The following DACH1 variants were observed in gnomAD, a reference collection of about 807,000 sequenced individuals.
DACH1 encodes dachshund family transcription factor 1, also known as dachshund homolog 1.
DACH1 carries 12 observed loss-of-function variants against 54.2 expected under a neutral mutation model. That is an observed-to-expected ratio of 0.22 (90% confidence interval 0.14 to 0.36). DACH1 has a LOEUF of 0.36. Ranked by LOEUF, DACH1 falls within the 10% of genes least tolerant of loss-of-function variation. The pLI is 1.00. For missense variants in DACH1, 805 were observed against 929.8 expected, an observed-to-expected ratio of 0.87 and a Z score of 1.75; for synonymous variants, 386 against 366.2, an observed-to-expected ratio of 1.05 and a Z score of -0.62.
intron 3 of DACH1, among the ~76,000 whole-genome samples, chr13:71,596,175 T>C (rs1019713712): frequency 2.0e-5 from 3 of 152,152 alleles, no homozygotes; most frequent in Non-Finnish European, 2.9e-5. Flanking sequence ...ATTTCATACT[T>C]CATTTTTTAG....
chr13:71,683,132 G>A (rs184379471), intron 1 of DACH1, among the ~76,000 whole-genome samples: 1 of 152,242 alleles, frequency 6.6e-6, no homozygotes, highest in African/African-American at 2.4e-5. Context: ...AGTACCTGCT[G>A]TTTTCAAAGA....
chr13:71,624,621 CA>C (rs377059550), intron 3 of DACH1, among the ~76,000 whole-genome samples: 1 of 151,706 alleles, frequency 6.6e-6, no homozygotes, highest in South Asian at 2.1e-4. Flanking sequence ...AACAAACAAA[CA>C]AAAAAACTTT....
chr13:71,816,849 G>A (rs1054800527), intron 1 of DACH1, among the ~76,000 whole-genome samples: 1 of 151,950 alleles, frequency 6.6e-6, no homozygotes, highest in Non-Finnish European at 1.5e-5. Flanking sequence ...TTATAAGTGG[G>A]AGCTAAATGA....
intron 6 of DACH1, among the ~76,000 whole-genome samples, chr13:71,518,865 G>T (rs1013531725): frequency 6.6e-6 from 1 of 151,650 alleles, no homozygotes; most frequent in African/African-American, 2.4e-5. Context: ...AGCAAAGAAT[G>T]GTTTCTGCAT....
chr13:71,587,062 T>C (rs1024716547), intron 3 of DACH1, among the ~76,000 whole-genome samples: 1 of 152,084 alleles, frequency 6.6e-6, no homozygotes, highest in African/African-American at 2.4e-5. Flanking sequence ...AAAGCCCCAA[T>C]AGCAAATGTC....
intron 6 of DACH1, among the ~76,000 whole-genome samples, chr13:71,498,561 G>T (rs1405113163): frequency 6.6e-6 from 1 of 151,692 alleles, no homozygotes; most frequent in South Asian, 2.1e-4. Context: ...TCTCAATAAG[G>T]TTATATGCCA....
chr13:71,664,010 T>TA (rs1236034978), intron 2 of DACH1, among the ~76,000 whole-genome samples: 6 of 151,696 alleles, frequency 4.0e-5, no homozygotes, highest in Admixed American at 6.6e-5. Context: ...AATGCTATTG[T>TA]AAAAAAAATC....
chr13:71,699,723 T>C (rs1365891834), intron 1 of DACH1, among the ~76,000 whole-genome samples: 1 of 152,248 alleles, frequency 6.6e-6, no homozygotes, highest in Non-Finnish European at 1.5e-5. Flanking sequence ...ACAAAACTTT[T>C]CATAAGCTTT....
intron 1 of DACH1, among the ~76,000 whole-genome samples, chr13:71,800,539 G>A (rs1417247322): frequency 2.6e-5 from 4 of 152,000 alleles, no homozygotes; most frequent in East Asian, 3.9e-4. Context: ...TTTCTCTCCC[G>A]ACTGCCTATA....
At position 71,518,618 on chromosome 13, in the gene DACH1, T is replaced by G. The variant is rs559840508; in HGVS notation, c.1571-29470A>C. Among the ~76,000 whole-genome samples, 7 of 152,038 alleles carry G rather than the reference T, an allele frequency of 4.6e-5. No individual in the cohort carries two copies. In the South Asian group the frequency reaches 1.5e-3, roughly 32 times the overall value. ...GGGCCTTCTGATTCAGGTTCCAAGT[T>G]ACTAACACTCTGTCTTAGTCCATGT... On this transcript the variant is annotated intron_variant, in intron 6 of 10. Transcript: ENST00000613252.
chr13:71,438,177 C>CTT lies in DACH1; in HGVS notation c.*2476_*2477dup, dbSNP rs1311506187. ...ATAACCTTTTATCATTTTTAGAAAA[C>CTT]TTTAAATATATAGATAAAAATAGAC... On this transcript the variant is annotated 3_prime_UTR_variant, in exon 11 of 11. Transcript: ENST00000613252. 6.6e-6 allele frequency: 1 copy of CTT among 152,172 alleles called. No individual in the cohort carries two copies. The highest frequency in any genetic ancestry group is 6.6e-5 in the Admixed American group (1 of 15,238). 9.4% of individuals were successfully genotyped at this position (152,172 alleles called of 1,614,324 possible).
chr13:71,675,066 G>C (rs1256645484), intron 2 of DACH1: 1 of 1,462,902 alleles, frequency 6.8e-7, no homozygotes, highest in East Asian at 2.3e-5. Flanking sequence ...TCTGTACCAC[G>C]GCTCGTACAA....
chr13:71,549,892 T>C (rs1386938523), intron 6 of DACH1, among the ~76,000 whole-genome samples: 1 of 152,074 alleles, frequency 6.6e-6, no homozygotes, highest in East Asian at 1.9e-4. Context: ...CCTCAAAATA[T>C]TTATTGAATG....
intron 1 of DACH1, among the ~76,000 whole-genome samples, chr13:71,847,820 C>A (rs1873387554): frequency 6.6e-6 from 1 of 152,078 alleles, no homozygotes; most frequent in South Asian, 2.1e-4. Context: ...AATCTACTGA[C>A]AAAGGAAGAA....
intron 1 of DACH1, among the ~76,000 whole-genome samples, chr13:71,728,340 A>G (rs1275865781): frequency 4.6e-5 from 7 of 152,136 alleles, no homozygotes; most frequent in Non-Finnish European, 1.0e-4. Flanking sequence ...GAATTTCCCA[A>G]ATTAAAACCT....
At chr13:71,633,939 T>G (rs1877286247) in intron 2 of DACH1, among the ~76,000 whole-genome samples, 1 of 151,236 alleles carries the variant, frequency 6.6e-6, no homozygotes, top group Admixed American at 6.6e-5. Flanking sequence ...CAGCCAAACC[T>G]CATGAAAGCG....
At chr13:71,767,029 A>G (rs1288013577) in intron 1 of DACH1, among the ~76,000 whole-genome samples, 2 of 152,120 alleles carry the variant, frequency 1.3e-5, no homozygotes, top group Non-Finnish European at 2.9e-5. Flanking sequence ...TTTAAAAGCT[A>G]CATCTTTATG....
chr13:71,630,650 C>A lies in DACH1; in HGVS notation c.1032G>T (p.Val344=). 10 of 1,612,104 alleles carry A rather than the reference C, an allele frequency of 6.2e-6. No individual in the cohort carries two copies. Among genetic ancestry groups the A allele is most frequent in the Non-Finnish European group, 8.5e-6 (10 of 1,179,346 alleles). The change falls in exon 3 of 11, where the codon GTG becomes GTT. Residue 344 remains valine, a synonymous_variant. Transcript: ENST00000613252. Reference sequence around the variant, plus strand: ...TCATGGCTTCTAATTTGATTTTTTTCACCTTCATTGCTTCAGCAATAGCTG... The same window carrying A: ...TCATGGCTTCTAATTTGATTTTTTTAACCTTCATTGCTTCAGCAATAGCTG... ...TNAAIAEAMK[V]KKIKLEAMSN...
intron 2 of DACH1, among the ~76,000 whole-genome samples, chr13:71,665,385 C>T (rs1365985603): frequency 6.6e-6 from 1 of 151,952 alleles, no homozygotes; most frequent in Non-Finnish European, 1.5e-5. Flanking sequence ...CCCATATACC[C>T]TACCTCCAAA....
Sources: gnomAD v4.1 joint callset for allele counts (sites outside exome capture counted in the v4.1 genomes callset) on GRCh38, gnomAD v4.1.1 for gene constraint, MANE v1.5 for transcripts, NCBI Gene and HGNC (gene_info 2026-07-23, HGNC 2026-07-21) for gene names.